The following VWC2L variants were observed in gnomAD, a reference collection of about 807,000 sequenced individuals.
VWC2L encodes the protein von Willebrand factor C domain containing 2 like.
A neutral mutation model predicts 21.6 loss-of-function variants in VWC2L; 10 were observed. The observed-to-expected ratio is 0.46, with a 90% CI of 0.29 to 0.78. The LOEUF (loss-of-function observed/expected upper bound fraction) is 0.78. Among genes scored for constraint, VWC2L ranks in the 30% least tolerant of loss-of-function variants. VWC2L has a pLI of 0.10. For missense variants in VWC2L, 209 were observed against 277.1 expected, an observed-to-expected ratio of 0.75 and a Z score of 1.74; for synonymous variants, 96 against 94.3, an observed-to-expected ratio of 1.02 and a Z score of -0.10.
intron 3 of VWC2L, among the ~76,000 whole-genome samples, chr2:214,443,690 T>C (rs959881589): frequency 1.3e-5 from 2 of 152,216 alleles, no homozygotes; most frequent in Non-Finnish European, 2.9e-5. Context: ...GATAAAAATA[T>C]ATCTACCTCA....
chr2:214,493,564 A>T (rs912286408), intron 3 of VWC2L, among the ~76,000 whole-genome samples: 2 of 152,108 alleles, frequency 1.3e-5, no homozygotes, highest in East Asian at 3.9e-4. Context: ...AAAGGTGGCC[A>T]CTATTGGTTT....
At chr2:214,480,298 A>G (rs913868349) in intron 3 of VWC2L, among the ~76,000 whole-genome samples, 5 of 152,206 alleles carry the variant, frequency 3.3e-5, no homozygotes, top group Non-Finnish European at 7.3e-5. Context: ...GAAAAAACCT[A>G]AAGTCCCAGA....
At chr2:214,421,861 A>G (rs1222264178) in intron 2 of VWC2L, among the ~76,000 whole-genome samples, 1 of 138,160 alleles carries the variant, frequency 7.2e-6, no homozygotes, top group Non-Finnish European at 1.6e-5. Context: ...ATTAACAAGC[A>G]TAATTTTTTT....
chr2:214,485,124 C>T (rs1688657667), intron 3 of VWC2L, among the ~76,000 whole-genome samples: 1 of 152,048 alleles, frequency 6.6e-6, no homozygotes, highest in Non-Finnish European at 1.5e-5. Context: ...TGAGACCAGC[C>T]TGACCAACAT....
Position 214,479,855 on chromosome 2 carries a change from A to C in VWC2L, c.520+43097A>C, listed in dbSNP as rs75495129. ...ACATTCAATCTAATAAGATTGTATT[A>C]GTTTTTAATACTTCACTGCACTTGG... On this transcript the variant is annotated intron_variant, in intron 3 of 3. Coordinates refer to ENST00000312504, the MANE Select transcript of VWC2L (RefSeq NM_001080500.4). Among the ~76,000 whole-genome samples, 1,271 of 152,312 alleles carry C rather than the reference A, an allele frequency of 8.3e-3. 22 individuals are homozygous for C. Among genetic ancestry groups the C allele is most frequent in the African/African-American group, 0.029 (1,195 of 41,566 alleles).
intron 3 of VWC2L, among the ~76,000 whole-genome samples, chr2:214,532,247 T>C (rs1466179528): frequency 6.6e-6 from 1 of 152,144 alleles, no homozygotes; most frequent in Admixed American, 6.6e-5. Context: ...CTAGTAAGAA[T>C]AGTAATAATA....
intron 3 of VWC2L, among the ~76,000 whole-genome samples, chr2:214,567,094 C>T (rs1307043027): frequency 1.3e-5 from 2 of 152,162 alleles, no homozygotes; most frequent in East Asian, 3.9e-4. Context: ...AGATCATTTA[C>T]AGCCAATTTC....
At chr2:214,412,856 G>A (rs1000856070) in intron 1 of VWC2L, among the ~76,000 whole-genome samples, 3 of 151,974 alleles carry the variant, frequency 2.0e-5, no homozygotes, top group African/African-American at 7.2e-5. Context: ...TAACTGACCT[G>A]AAAATGTCCT....
chr2:214,544,493 C>G (rs556928195), intron 3 of VWC2L, among the ~76,000 whole-genome samples: 24 of 152,258 alleles, frequency 1.6e-4, no homozygotes, highest in African/African-American at 5.5e-4. Flanking sequence ...CCCCGTACTC[C>G]TGACTGTCCT....
At chr2:214,440,869 T>G (rs1228154483) in intron 3 of VWC2L, among the ~76,000 whole-genome samples, 1 of 152,140 alleles carries the variant, frequency 6.6e-6, no homozygotes. Flanking sequence ...ACAGACTGCA[T>G]TTTTTACATT....
intron 3 of VWC2L, among the ~76,000 whole-genome samples, chr2:214,558,117 C>T (rs749090650): frequency 1.5e-4 from 23 of 152,242 alleles, no homozygotes; most frequent in Admixed American, 5.2e-4. Flanking sequence ...CTTGACACTG[C>T]TGTCACAGTC....
intron 3 of VWC2L, among the ~76,000 whole-genome samples, chr2:214,514,612 T>C (rs1358488235): frequency 6.6e-6 from 1 of 152,202 alleles, no homozygotes; most frequent in African/African-American, 2.4e-5. Context: ...TCATGATACA[T>C]TTTTGCAATC....
Position 214,526,636 on chromosome 2 carries a change from A to C in VWC2L, c.521-49036A>C, listed in dbSNP as rs567559027. Among the ~76,000 whole-genome samples, 22 of 152,268 alleles carry C rather than the reference A, an allele frequency of 1.4e-4. 1 individual carries two copies. In the Middle Eastern group the frequency reaches 0.01, roughly 71 times the overall value. On this transcript the variant is annotated intron_variant, in intron 3 of 3. Transcript: ENST00000312504. The stretch of plus-strand genomic sequence containing the variant: ...GATAGGGAAAATTCTGTTTCTTCCT[A>C]TTGGTTTCTCTTCTTCCATGGCTTT...
rs561428800 is a variant in VWC2L at position 214,448,056 on chromosome 2, C to T, written c.520+11298C>T. Among the ~76,000 whole-genome samples the T allele has an allele frequency of 2.0e-4, 31 of 152,196 alleles. 1 individual carries two copies. The South Asian group carries it at 6.4e-3, about 32-fold the overall frequency. ...TTCTATGAGCTATGAGTTAACAACC[C>T]AAATCACCACTGACGAGTCCATTTT... On this transcript the variant is annotated intron_variant, in intron 3 of 3. Coordinates refer to ENST00000312504, the MANE Select transcript of VWC2L (RefSeq NM_001080500.4).
At chr2:214,473,105 A>G (rs967951735) in intron 3 of VWC2L, among the ~76,000 whole-genome samples, 9 of 152,240 alleles carry the variant, frequency 5.9e-5, no homozygotes, top group African/African-American at 2.2e-4. Flanking sequence ...GCAAAAGCAA[A>G]TATTAAATGA....
At chr2:214,500,249 C>T (rs1050051655) in intron 3 of VWC2L, among the ~76,000 whole-genome samples, 27 of 152,056 alleles carry the variant, frequency 1.8e-4, no homozygotes, top group Non-Finnish European at 1.8e-4. Context: ...CTGATAAAAC[C>T]GTGAGTTAGA....
intron 3 of VWC2L, among the ~76,000 whole-genome samples, chr2:214,456,414 T>TG (rs1365365227): frequency 1.3e-5 from 2 of 152,002 alleles, no homozygotes; most frequent in South Asian, 2.1e-4. Context: ...TTTTTTTGTT[T>TG]GGGGGTTTTT....
Position 214,575,960 on chromosome 2 carries a change from A to C in VWC2L, c.*140A>C. On this transcript the variant is annotated 3_prime_UTR_variant, in exon 4 of 4. Coordinates refer to ENST00000312504, the MANE Select transcript of VWC2L (RefSeq NM_001080500.4). Reference sequence around the variant, plus strand: ...AGCAAAACTTTCTAGGGTTGACAAAAGTGAATATTTTCCTAAGAGGAAATT... The same window carrying C: ...AGCAAAACTTTCTAGGGTTGACAAACGTGAATATTTTCCTAAGAGGAAATT... 1 of 934,012 alleles carries C rather than the reference A, an allele frequency of 1.1e-6. No homozygotes were observed. The highest frequency in any genetic ancestry group is 1.6e-6 in the Non-Finnish European group (1 of 637,326). 57.9% of individuals were successfully genotyped at this position (934,012 alleles called of 1,614,324 possible).
At chr2:214,541,566 G>A (rs1045071432) in intron 3 of VWC2L, among the ~76,000 whole-genome samples, 3 of 152,164 alleles carry the variant, frequency 2.0e-5, no homozygotes, top group Admixed American at 1.3e-4. Context: ...GATGAAAATG[G>A]CAGCATGCAG....
Sources: gnomAD v4.1 joint callset for allele counts (sites outside exome capture counted in the v4.1 genomes callset) on GRCh38, gnomAD v4.1.1 for gene constraint, MANE v1.5 for transcripts, NCBI Gene and HGNC (gene_info 2026-07-23, HGNC 2026-07-21) for gene names.